The following OXNAD1 variants were observed in gnomAD, a reference collection of about 807,000 sequenced individuals.
OXNAD1 encodes oxidoreductase NAD-binding domain-containing protein 1.
In OXNAD1, 34 loss-of-function variants were observed where a neutral mutation model predicts 32.9. That is an observed-to-expected ratio of 1.03 (90% CI 0.79 to 1.38). OXNAD1 has a LOEUF of 1.38. Among genes scored for constraint, OXNAD1 ranks in the 40% most tolerant of loss-of-function variants. OXNAD1 has a pLI of 0.00. For synonymous variants in OXNAD1, 134 were observed against 135.2 expected (o/e 0.99, Z 0.06); for missense variants, 407 against 379.4 (o/e 1.07, Z -0.60).
chr3:16,319,799 A>C (rs967027195), intron 9 of OXNAD1, among the ~76,000 whole-genome samples: 2 of 152,224 alleles, frequency 1.3e-5, no homozygotes, highest in Non-Finnish European at 1.5e-5. Context: ...AAGCAAGAGG[A>C]GGCCTGGACT....
At position 16,320,524 on chromosome 3, in the gene OXNAD1, C is replaced by T. The variant is rs1441070444; in HGVS notation, c.*31-16588C>T. ...AAAAAGGTCTTTGCTCTTGTGGAGA[C>T]TATGTCTGACTCTGCCTGGGAAGGA... is the stretch of plus-strand genomic sequence containing the variant. On this transcript the variant is annotated intron_variant, in intron 9 of 9. Transcript: ENST00000435829. This position sits in a 1 kb window ranked among gnomAD's most constrained non-coding sequence, Gnocchi z 4.5. Among the ~76,000 whole-genome samples the T allele has an allele frequency of 6.6e-6, 1 of 152,204 alleles. No individual in the cohort carries two copies.
Position 16,314,069 on chromosome 3 carries a change from C to T in OXNAD1, c.*30+10477C>T, listed in dbSNP as rs115692492. 7.5e-4 allele frequency among the ~76,000 whole-genome samples: 114 copies of T among 152,088 alleles called. No homozygotes were observed. Among genetic ancestry groups the T allele is most frequent in the Admixed American group, 2.3e-3 (35 of 15,288 alleles). On this transcript the variant is annotated intron_variant, in intron 9 of 9. Transcript: ENST00000435829. This position sits in a 1 kb window ranked among gnomAD's most constrained non-coding sequence, Gnocchi z 4.4. ...CGTAGGAATGCCACATTTCAATCAC[C>T]TGATAACCACCTGATCACAGTGGGT...
At chr3:16,326,814 C>T in intron 9 of OXNAD1, 11 of 1,614,114 alleles carry the variant, frequency 6.8e-6, no homozygotes, top group Middle Eastern at 1.7e-4. Flanking sequence ...CACAGGTGAG[C>T]TGCCAGCCAT....
chr3:16,273,788 C>T (rs2065131520), intron 4 of OXNAD1, among the ~76,000 whole-genome samples: 1 of 152,112 alleles, frequency 6.6e-6, no homozygotes, highest in Non-Finnish European at 1.5e-5. Context: ...ATGTTGACTG[C>T]CAATTCTAAG....
chr3:16,278,371 T>C (rs1189040987), intron 4 of OXNAD1, among the ~76,000 whole-genome samples: 1 of 152,220 alleles, frequency 6.6e-6, no homozygotes, highest in Admixed American at 6.5e-5. Context: ...CACCAGATTA[T>C]ACAACAGATT....
chr3:16,283,926 A>C (rs1404703013), intron 4 of OXNAD1, among the ~76,000 whole-genome samples: 3 of 152,210 alleles, frequency 2.0e-5, no homozygotes, highest in Non-Finnish European at 4.4e-5. Context: ...TTGGTTGTTC[A>C]GAAAGACCCC....
At position 16,271,123 on chromosome 3, in the gene OXNAD1, G is replaced by A. The variant is rs776989597; in HGVS notation, c.119+52G>A. On this transcript the variant is annotated intron_variant, in intron 3 of 8. Transcript: ENST00000285083. The surrounding 1 kb of genome is among the most constrained non-coding windows in gnomAD (Gnocchi z 4.6). ...TTGAAGTTAATTTTCAAAGAGACCC[G>A]ACCTGCTGATGGTTGTGGGAGGCAT... The A allele has an allele frequency of 1.1e-5, 17 of 1,593,116 alleles. No individual in the cohort carries two copies. The highest frequency in any genetic ancestry group is 5.1e-5 in the Admixed American group (3 of 59,112).
In OXNAD1 at chr3:16,299,434, C is replaced by A. The variant is rs1374058580; in HGVS notation, c.433-2192C>A. On this transcript the variant is annotated intron_variant, in intron 6 of 8. Coordinates refer to ENST00000285083, the MANE Select transcript of OXNAD1 (RefSeq NM_138381.5). The surrounding 1 kb of genome is among the most constrained non-coding windows in gnomAD (Gnocchi z 4.4). ...TAATTTCTTTTGTCAAAAATGAAAACCCACTTATCACCATTCATGTAAAAA... is the reference window on the plus strand; with the variant it reads ...TAATTTCTTTTGTCAAAAATGAAAAACCACTTATCACCATTCATGTAAAAA... Among the ~76,000 whole-genome samples, 1 of 152,142 alleles carries A rather than the reference C, an allele frequency of 6.6e-6. No individual in the cohort carries two copies. The highest frequency in any genetic ancestry group is 1.5e-5 in the Non-Finnish European group (1 of 68,018).
Position 16,317,115 on chromosome 3 carries a change from G to A in OXNAD1, c.*30+13523G>A. ...CCCATGTCTCCAGCTTTGGAAGACT[G>A]GTCTTCTAAGTTCTTCTCATTTTCT... On this transcript the variant is annotated intron_variant, in intron 9 of 9. Transcript: ENST00000435829. This position sits in a 1 kb window ranked among gnomAD's most constrained non-coding sequence, Gnocchi z 4.3. 1 of 1,613,752 alleles carries A rather than the reference G, an allele frequency of 6.2e-7. No individual in the cohort carries two copies. Among genetic ancestry groups the A allele is most frequent in the South Asian group, 1.1e-5 (1 of 91,064 alleles).
At chr3:16,268,313 C>CTTTTTTTTTTTTTTTTTTTT (rs531751365) in intron 1 of OXNAD1, among the ~76,000 whole-genome samples, 1 of 60,926 alleles carries the variant, frequency 1.6e-5, no homozygotes, top group Non-Finnish European at 3.3e-5. Context: ...AAGAGAACTC[C>CTTTTTTTTTTTTTTTTTTTT]TTTTTTTTTT....
At chr3:16,313,323 G>T (rs1183808689) in intron 9 of OXNAD1, among the ~76,000 whole-genome samples, 1 of 151,246 alleles carries the variant, frequency 6.6e-6, no homozygotes, top group East Asian at 1.9e-4. Context: ...GACTATAGGC[G>T]TGAGCCACCA....
chr3:16,294,791 T>A, intron 5 of OXNAD1, 65 bp from the exon 6 acceptor site: 2 of 1,509,502 alleles, frequency 1.3e-6, no homozygotes. Flanking sequence ...GTTTGTCAAT[T>A]CTGTTTAATT....
chr3:16,271,089 CTG>C lies in OXNAD1; in HGVS notation c.119+22_119+23del. The C allele has an allele frequency of 6.2e-7, 1 of 1,611,500 alleles. No individual in the cohort carries two copies. The highest frequency in any genetic ancestry group is 1.3e-5 in the African/African-American group (1 of 74,928). ...CTAACCAGGTGAGTCATTAAGACTT[CTG>C]TGTCATTTGAAGTTAATTTTCAAAG... On this transcript the variant is annotated intron_variant, in intron 3 of 8. Transcript: ENST00000285083. This position sits in a 1 kb window ranked among gnomAD's most constrained non-coding sequence, Gnocchi z 4.6.
At chr3:16,285,173 T>C (rs1324846154) in intron 4 of OXNAD1, among the ~76,000 whole-genome samples, 9 of 152,206 alleles carry the variant, frequency 5.9e-5, no homozygotes, top group Non-Finnish European at 1.2e-4. Flanking sequence ...TAGAAGATAC[T>C]TTGAGGTGGT....
Position 16,302,499 on chromosome 3 carries a change from C to T in OXNAD1, c.676-141C>T. ...AGTCTGAATGCTCTGGCCTGCTAGGCTGCAAACAATATCTCTCTAAGTAGA... is the reference window on the plus strand; with the variant it reads ...AGTCTGAATGCTCTGGCCTGCTAGGTTGCAAACAATATCTCTCTAAGTAGA... On this transcript the variant is annotated intron_variant, in intron 7 of 8. Coordinates refer to ENST00000285083, the MANE Select transcript of OXNAD1 (RefSeq NM_138381.5). The surrounding 1 kb of genome is among the most constrained non-coding windows in gnomAD (Gnocchi z 4.2). 2 of 625,122 alleles carry T rather than the reference C, an allele frequency of 3.2e-6. No homozygotes were observed. The highest frequency in any genetic ancestry group is 5.7e-6 in the Non-Finnish European group (2 of 352,236). The allele number at this position is 625,122 out of a possible 1,614,324, so 38.7% of individuals were successfully genotyped here.
Position 16,271,871 on chromosome 3 carries a change from C to G in OXNAD1, c.183+149C>G. On this transcript the variant is annotated intron_variant, in intron 4 of 8. Coordinates refer to ENST00000285083, the MANE Select transcript of OXNAD1 (RefSeq NM_138381.5). This position sits in a 1 kb window ranked among gnomAD's most constrained non-coding sequence, Gnocchi z 4.6. The stretch of plus-strand genomic sequence containing the variant: ...TTTTTCTATTTAGAAATTTTCTGAG[C>G]AGGACATTTGATATCTGATTTGAAA... 2.8e-6 allele frequency: 2 copies of G among 710,116 alleles called. No homozygotes were observed. 44.0% of individuals were successfully genotyped at this position (710,116 alleles called of 1,614,324 possible).
chr3:16,311,787 G>A (rs1010752534), intron 9 of OXNAD1, among the ~76,000 whole-genome samples: 5 of 152,032 alleles, frequency 3.3e-5, no homozygotes, highest in Admixed American at 1.3e-4. Context: ...CCAGAAAGAC[G>A]TTTTAAAAAA....
rs13083266 is a variant in OXNAD1 at position 16,335,643 on chromosome 3, G to A, written c.*31-1469G>A. 0.081 allele frequency among the ~76,000 whole-genome samples: 12,382 copies of A among 152,182 alleles called. 659 individuals carry two copies. The highest frequency in any genetic ancestry group is 0.15 in the East Asian group (796 of 5,180). ...CCTGTTGGAGGTGTGGGAGGAGGGA[G>A]AGCATCAGGAAAAATAGCTAATGGA... On this transcript the variant is annotated intron_variant, in intron 9 of 9. Transcript: ENST00000435829. This position sits in a 1 kb window ranked among gnomAD's most constrained non-coding sequence, Gnocchi z 4.7.
rs690522 is a variant in OXNAD1, at chr3:16,335,560, C to T, written c.*31-1552C>T. Among the ~76,000 whole-genome samples, 50,883 of 151,918 alleles carry T rather than the reference C, an allele frequency of 0.33. 9,807 individuals are homozygous for T. Among genetic ancestry groups the T allele is most frequent in the Non-Finnish European group, 0.42 (28,605 of 67,940 alleles). On this transcript the variant is annotated intron_variant, in intron 9 of 9. Transcript: ENST00000435829. This position sits in a 1 kb window ranked among gnomAD's most constrained non-coding sequence, Gnocchi z 4.7. Reference sequence around the variant, plus strand: ...CTCACTTACAAGTGGGAGAGCTGAACGGTGAAAACACATGTGAAAACACAT... The same window carrying T: ...CTCACTTACAAGTGGGAGAGCTGAATGGTGAAAACACATGTGAAAACACAT...
Sources: gnomAD v4.1 joint callset for allele counts (sites outside exome capture counted in the v4.1 genomes callset) on GRCh38, gnomAD v4.1.1 for gene constraint, Gnocchi (gnomAD v3.1) non-coding constraint, MANE v1.5 for transcripts, NCBI Gene and HGNC (gene_info 2026-07-23, HGNC 2026-07-21) for gene names.